SRPK2: variants seen among roughly 807,000 people sequenced by gnomAD.
SRPK2 encodes the protein SFRS protein kinase 2.
A neutral mutation model predicts 90.8 loss-of-function variants in SRPK2; 21 were observed. That is an observed-to-expected ratio of 0.23 (90% confidence interval 0.16 to 0.33). The LOEUF is 0.33. Ranked by LOEUF, SRPK2 falls within the 10% of genes least tolerant of loss-of-function variation. The pLI is 1.00. For missense variants in SRPK2, 620 were observed against 869.0 expected, an observed-to-expected ratio of 0.71 and a Z score of 3.60; for synonymous variants, 288 against 311.1, an observed-to-expected ratio of 0.93 and a Z score of 0.78.
chr7:105,132,192 G>A (rs940023067), intron 13 of SRPK2, among the ~76,000 whole-genome samples: 24 of 152,350 alleles, frequency 1.6e-4, no homozygotes, highest in Non-Finnish European at 1.2e-4. Context: ...GAGGGAGTGG[G>A]CGTTGCTGCC....
chr7:105,149,845 A>G lies in SRPK2; in HGVS notation c.622-3187T>C, dbSNP rs541375077. ...CCTCTTAAAAACGATCAAAATCCCT[A>G]CAAACATTTAAAACAACTTTACCTT... On this transcript the variant is annotated intron_variant, in intron 7 of 15. Transcript: ENST00000393651. Among the ~76,000 whole-genome samples the G allele has an allele frequency of 2.0e-5, 3 of 152,376 alleles. No homozygotes were observed. In the East Asian group the frequency reaches 5.8e-4, roughly 29 times the overall value.
intron 2 of SRPK2, among the ~76,000 whole-genome samples, chr7:105,293,195 G>C (rs926422518): frequency 1.3e-5 from 2 of 152,066 alleles, no homozygotes; most frequent in African/African-American, 4.8e-5. Flanking sequence ...CTACTCAAGA[G>C]GCTGAGGCAA....
intron 2 of SRPK2, among the ~76,000 whole-genome samples, chr7:105,338,077 T>C (rs1365782424): frequency 1.1e-5 from 1 of 89,108 alleles, no homozygotes; most frequent in African/African-American, 4.5e-5. Context: ...AAAGAAAGAA[T>C]ATTAAAAAAA....
chr7:105,395,589 G>C (rs533487032), intron 1 of SRPK2, among the ~76,000 whole-genome samples: 1 of 152,184 alleles, frequency 6.6e-6, no homozygotes, highest in African/African-American at 2.4e-5. Flanking sequence ...AATTAGCGGG[G>C]TATGGTTGTG....
chr7:105,186,903 A>C (rs979206957), intron 3 of SRPK2, among the ~76,000 whole-genome samples: 1 of 152,160 alleles, frequency 6.6e-6, no homozygotes, highest in African/African-American at 2.4e-5. Flanking sequence ...GGTGCTCCAT[A>C]AGGCTGTCCT....
upstream of SRPK2, among the ~76,000 whole-genome samples, chr7:105,389,647 C>G (rs1822090994): frequency 6.6e-6 from 1 of 152,124 alleles, no homozygotes; most frequent in Non-Finnish European, 1.5e-5. Flanking sequence ...TTTCTGCATC[C>G]TACAATGAGG....
At chr7:105,374,754 C>T (rs563409544) in intron 2 of SRPK2, among the ~76,000 whole-genome samples, 1 of 152,036 alleles carries the variant, frequency 6.6e-6, no homozygotes, top group Non-Finnish European at 1.5e-5. Flanking sequence ...GGATTACAGG[C>T]GCCCGCCACC....
chr7:105,146,370 A>C (rs1036814495), intron 8 of SRPK2, 123 bp downstream of exon 8: 2 of 882,458 alleles, frequency 2.3e-6, no homozygotes, highest in African/African-American at 3.4e-5. Context: ...AGTTATTTCC[A>C]GCAATTAAAC....
At chr7:105,172,580 T>A (rs1791293051) in intron 3 of SRPK2, among the ~76,000 whole-genome samples, 1 of 152,218 alleles carries the variant, frequency 6.6e-6, no homozygotes, top group South Asian at 2.1e-4. Context: ...TGATCTACCA[T>A]AATTCTTGAA....
rs578216460 is a variant in SRPK2, at chr7:105,250,044, A to G, written c.72-46259T>C. ...ATTCTACTGTTAAAAAGTCGTGGCT[A>G]CTTTGGCCAGGCACAGTGGCTCACG... On this transcript the variant is annotated intron_variant, in intron 2 of 15. Coordinates refer to ENST00000393651, the MANE Select transcript of SRPK2 (RefSeq NM_182692.3). Among the ~76,000 whole-genome samples, 21 of 152,294 alleles carry G rather than the reference A, an allele frequency of 1.4e-4. No homozygotes were observed. In the South Asian group the frequency reaches 3.3e-3, roughly 24 times the overall value.
intron 2 of SRPK2, among the ~76,000 whole-genome samples, chr7:105,327,079 A>AG (rs1043303126): frequency 1.3e-5 from 2 of 151,884 alleles, no homozygotes; most frequent in African/African-American, 4.8e-5. Context: ...AAAAAAAAAA[A>AG]AAAAAAATTC....
At chr7:105,367,074 TTTTTG>T (rs984875362) in intron 2 of SRPK2, among the ~76,000 whole-genome samples, 19 of 151,806 alleles carry the variant, frequency 1.3e-4, no homozygotes, top group Admixed American at 2.0e-4. Flanking sequence ...TTTGTTTTTT[TTTTTG>T]TTTGTTTGTT....
At chr7:105,325,208 G>C (rs1198929108) in intron 2 of SRPK2, among the ~76,000 whole-genome samples, 1 of 152,130 alleles carries the variant, frequency 6.6e-6, no homozygotes, top group Admixed American at 6.5e-5. Context: ...CACCACTAAA[G>C]AGCACCTTTG....
intron 2 of SRPK2, among the ~76,000 whole-genome samples, chr7:105,300,294 T>G (rs967233280): frequency 6.7e-6 from 1 of 149,434 alleles, no homozygotes; most frequent in Non-Finnish European, 1.5e-5. Context: ...TATATACATA[T>G]TTAGAACACT....
At chr7:105,357,559 C>G (rs1817920694) in intron 2 of SRPK2, among the ~76,000 whole-genome samples, 1 of 151,988 alleles carries the variant, frequency 6.6e-6, no homozygotes, top group Admixed American at 6.6e-5. Context: ...GCCTAGCCAA[C>G]ATGGTGAAAC....
intron 2 of SRPK2, among the ~76,000 whole-genome samples, chr7:105,209,646 T>G (rs1370142806): frequency 2.4e-5 from 3 of 124,120 alleles, no homozygotes; most frequent in African/African-American, 6.2e-5. Context: ...GAAAGGACAA[T>G]GGAGAAAGGG....
At chr7:105,184,216 T>C (rs960294229) in intron 3 of SRPK2, among the ~76,000 whole-genome samples, 1 of 151,956 alleles carries the variant, frequency 6.6e-6, no homozygotes, top group African/African-American at 2.4e-5. Context: ...TGACCTCAAA[T>C]GATCTGCCCA....
upstream of SRPK2, among the ~76,000 whole-genome samples, chr7:105,392,410 C>T (rs1319847522): frequency 4.6e-5 from 7 of 152,216 alleles, no homozygotes; most frequent in Admixed American, 4.6e-4. Flanking sequence ...TACTTTGAAA[C>T]TGTGTGAATA....
chr7:105,244,242 G>A (rs1038834683), intron 2 of SRPK2, among the ~76,000 whole-genome samples: 1 of 152,190 alleles, frequency 6.6e-6, no homozygotes, highest in African/African-American at 2.4e-5. Flanking sequence ...TCAGAAGGCA[G>A]TAAAACAAAA....
Sources: gnomAD v4.1 joint callset for allele counts (sites outside exome capture counted in the v4.1 genomes callset) on GRCh38, gnomAD v4.1.1 for gene constraint, MANE v1.5 for transcripts, NCBI Gene and HGNC (gene_info 2026-07-23, HGNC 2026-07-21) for gene names.